Variants in BLTP1 observed in about 807,000 individuals in gnomAD.
BLTP1 encodes bridge-like lipid transfer protein family member 1.
the BLTP1 span, among the ~76,000 whole-genome samples, chr4:122,334,069 C>T: frequency 6.6e-6 from 1 of 152,016 alleles, no homozygotes; most frequent in Non-Finnish European, 1.5e-5. Flanking sequence ...CTAAACCTTG[C>T]TAGTGCAACT....
the BLTP1 span, chr4:122,309,169 C>A: frequency 6.8e-7 from 1 of 1,466,864 alleles, no homozygotes; most frequent in Non-Finnish European, 9.1e-7. Context: ...CTAGGCTTGA[C>A]CGTTTCTAGA....
chr4:122,281,977 C>A, the BLTP1 span: 5 of 984,742 alleles, frequency 5.1e-6, no homozygotes, highest in African/African-American at 1.7e-5. Context: ...AGAATGAACT[C>A]TTTTGAACTC....
the BLTP1 span, chr4:122,291,702 A>T: frequency 1.0e-6 from 1 of 974,244 alleles, no homozygotes. Context: ...TCTTAGAAGC[A>T]TATAAGGAGG....
the BLTP1 span, chr4:122,299,983 A>C: frequency 1.1e-6 from 1 of 942,858 alleles, no homozygotes; most frequent in African/African-American, 1.8e-5. Flanking sequence ...AGACACATAT[A>C]GTTTATTCTT....
the BLTP1 span, chr4:122,306,099 T>G: frequency 6.6e-7 from 1 of 1,508,822 alleles, no homozygotes; most frequent in Non-Finnish European, 8.9e-7. Flanking sequence ...GCTTTGTTAA[T>G]GCTAGATAAG....
At chr4:122,254,213 G>C in the BLTP1 span, 1 of 1,612,690 alleles carries the variant, frequency 6.2e-7, no homozygotes, top group Non-Finnish European at 8.5e-7. Flanking sequence ...AGTCGAATCT[G>C]ATGATTTGAA....
chr4:122,177,727 A>G, the BLTP1 span, among the ~76,000 whole-genome samples: 1,177 of 152,244 alleles, frequency 7.7e-3, 8 homozygotes, highest in Non-Finnish European at 0.013. Context: ...CACAGTATTC[A>G]TTCCCTTATT....
the BLTP1 span, chr4:122,256,238 G>A: frequency 1.1e-6 from 1 of 916,272 alleles, no homozygotes; most frequent in Non-Finnish European, 1.3e-6. Context: ...GTAAGTGTTG[G>A]ATTTGAAAAA....
At chr4:122,159,723 T>C in the BLTP1 span, among the ~76,000 whole-genome samples, 1 of 152,178 alleles carries the variant, frequency 6.6e-6, no homozygotes, top group Non-Finnish European at 1.5e-5. Flanking sequence ...TCCTACTATT[T>C]GGAAACAGGC....
the BLTP1 span, chr4:122,304,906 A>G: frequency 6.2e-7 from 1 of 1,613,972 alleles, no homozygotes; most frequent in Non-Finnish European, 8.5e-7. Context: ...TTCACCAGGA[A>G]GTAGCAGCTA....
chr4:122,266,643 A>T, the BLTP1 span: 1 of 600,800 alleles, frequency 1.7e-6, no homozygotes, highest in Admixed American at 3.6e-5. Context: ...ATTATATGAG[A>T]CCATTTTTGC....
At chr4:122,240,078 G>T in the BLTP1 span, 1 of 1,614,120 alleles carries the variant, frequency 6.2e-7, no homozygotes, top group African/African-American at 1.3e-5. Context: ...GGCTTCATTT[G>T]TTTCTGCGTT....
chr4:122,350,731 A>T, the BLTP1 span, among the ~76,000 whole-genome samples: 1 of 152,186 alleles, frequency 6.6e-6, no homozygotes, highest in Non-Finnish European at 1.5e-5. Flanking sequence ...AATGTGAATG[A>T]AAGAACAAGG....
At chr4:122,227,916 ATT>A in the BLTP1 span, among the ~76,000 whole-genome samples, 3 of 136,448 alleles carry the variant, frequency 2.2e-5, no homozygotes, top group Non-Finnish European at 1.6e-5. Context: ...TTGCATTAAA[ATT>A]TTTTTTTTTT....
the BLTP1 span, among the ~76,000 whole-genome samples, chr4:122,332,341 A>G: frequency 6.6e-6 from 1 of 152,080 alleles, no homozygotes; most frequent in African/African-American, 2.4e-5. Flanking sequence ...AAGGATGACT[A>G]TTAGTTTATT....
chr4:122,360,660 A>G, the BLTP1 span, among the ~76,000 whole-genome samples: 999 of 152,346 alleles, frequency 6.6e-3, 26 homozygotes, highest in East Asian at 0.044. Context: ...GTTAATAAAT[A>G]ATTGGCATAC....
chr4:122,272,018 A>C, the BLTP1 span: 1 of 1,107,978 alleles, frequency 9.0e-7, no homozygotes, highest in Non-Finnish European at 1.3e-6. Flanking sequence ...TGTTGAAGAA[A>C]TTTTTAATCA....
the BLTP1 span, chr4:122,207,511 C>CTTTTTT: frequency 7.6e-6 from 10 of 1,324,412 alleles, no homozygotes; most frequent in East Asian, 8.3e-5. Flanking sequence ...TTTACTTTTT[C>CTTTTTT]TTCTTTTTTT....
the BLTP1 span, chr4:122,227,016 T>C: frequency 1.8e-6 from 1 of 563,546 alleles, no homozygotes; most frequent in Non-Finnish European, 2.7e-6. Context: ...AAATATGAGA[T>C]AATTATTAAA....
Sources: allele counts gnomAD v4.1 joint callset (sites outside exome capture counted in the v4.1 genomes callset), GRCh38; gene constraint gnomAD v4.1.1; transcripts MANE v1.5; gene names NCBI Gene and HGNC (gene_info 2026-07-23, HGNC 2026-07-21).